The following GPA33 variants were observed in gnomAD, a reference collection of about 807,000 sequenced individuals.
The protein encoded by GPA33 is cell surface A33 antigen.
In GPA33, 27 loss-of-function variants were observed where a neutral mutation model predicts 35.6. The observed-to-expected ratio is 0.76, with a 90% CI of 0.56 to 1.04. The LOEUF is 1.04. Ranked by LOEUF, GPA33 falls within the 50% of genes least tolerant of loss-of-function variation. The probability of loss-of-function intolerance (pLI) is 0.00; values close to 1 mark genes in which losing one functional copy is unlikely to be tolerated. For synonymous variants in GPA33, 176 were observed against 164.0 expected (o/e 1.07, Z -0.56); for missense variants, 428 against 411.9 (o/e 1.04, Z -0.34).
intron 3 of GPA33, among the ~76,000 whole-genome samples, chr1:167,066,695 A>C (rs1326646121): frequency 6.6e-6 from 1 of 152,234 alleles, no homozygotes; most frequent in Non-Finnish European, 1.5e-5. Context: ...CAGAATGCAG[A>C]TGTTACCTGA....
intron 4 of GPA33, among the ~76,000 whole-genome samples, chr1:167,060,811 C>T (rs988563636): frequency 1.3e-5 from 2 of 152,176 alleles, no homozygotes; most frequent in Non-Finnish European, 2.9e-5. Flanking sequence ...TTCATGATTT[C>T]TCATCACTGT....
chr1:167,055,792 A>C lies in GPA33; in HGVS notation c.629T>G (p.Ile210Ser). The change falls in exon 5 of 7, where the codon ATC (isoleucine) becomes AGC (serine). Residue 210 changes from isoleucine to serine, a missense_variant. Physicochemically the swap from Ile to Ser is moderately radical, Grantham distance 142. Transcript: ENST00000367868. ...NISTDTSGYY[I>S]CTSSNEEGTQ... ...CCCCTCCTCATTGCTGGAGGTACAG[A>C]TGTAGTAACCCGATGTGTCTGTGGA... 6.2e-7 allele frequency: 1 copy of C among 1,613,810 alleles called. No homozygotes were observed. Among genetic ancestry groups the C allele is most frequent in the Non-Finnish European group, 8.5e-7 (1 of 1,179,852 alleles).
intron 2 of GPA33, among the ~76,000 whole-genome samples, chr1:167,069,668 G>A (rs1315392266): frequency 6.6e-6 from 1 of 152,212 alleles, no homozygotes; most frequent in Non-Finnish European, 1.5e-5. Flanking sequence ...AGACTTTCAA[G>A]CCAGACTGCT....
intron 2 of GPA33, among the ~76,000 whole-genome samples, chr1:167,069,500 A>G (rs1425681477): frequency 6.6e-6 from 1 of 152,170 alleles, no homozygotes; most frequent in Non-Finnish European, 1.5e-5. Flanking sequence ...TCAGTCTATC[A>G]GTATTTACTG....
At chr1:167,056,482 G>A (rs1666255330) in intron 4 of GPA33, among the ~76,000 whole-genome samples, 1 of 149,136 alleles carries the variant, frequency 6.7e-6, no homozygotes, top group Non-Finnish European at 1.5e-5. Flanking sequence ...TGTGTGGTGT[G>A]TCAGTGTGTG....
chr1:167,080,874 A>G (rs922086303), intron 1 of GPA33, among the ~76,000 whole-genome samples: 1 of 152,254 alleles, frequency 6.6e-6, no homozygotes, highest in Non-Finnish European at 1.5e-5. Context: ...TGAATGAATT[A>G]TAGAGAACTT....
chr1:167,073,435 A>C lies in GPA33; in HGVS notation c.148T>G (p.Ser50Ala). 6.2e-7 allele frequency: 1 copy of C among 1,613,440 alleles called. No homozygotes were observed. Among genetic ancestry groups the C allele is most frequent in the Non-Finnish European group, 8.5e-7 (1 of 1,179,616 alleles). The stretch of plus-strand genomic sequence containing the variant: ...CATTGAATAAGTCCCTCTCGACTGG[A>C]GGTGGAAGTGTGGTAGGTGCAGGGC... Reference protein sequence around the residue: ...TLPCTYHTSTSSREGLIQWDK... With the variant: ...TLPCTYHTSTASREGLIQWDK... The change falls in exon 2 of 7, where the codon TCC becomes GCC. Residue 50 changes from serine to alanine, a missense_variant. Transcript: ENST00000367868.
At chr1:167,090,217 G>C (rs371532773) in intron 1 of GPA33, 28 bp downstream of exon 1, 122 of 1,570,492 alleles carry the variant, frequency 7.8e-5, no homozygotes, top group Admixed American at 4.7e-4. Context: ...CCACCCCTGG[G>C]CACTGGAGAG....
At chr1:167,072,276 A>G (rs1666736339) in intron 2 of GPA33, among the ~76,000 whole-genome samples, 1 of 152,238 alleles carries the variant, frequency 6.6e-6, no homozygotes. Flanking sequence ...GCATTTTAAA[A>G]GAAGACCTCA....
chr1:167,075,594 T>A (rs527464253), intron 1 of GPA33, among the ~76,000 whole-genome samples: 14 of 152,286 alleles, frequency 9.2e-5, no homozygotes, highest in Middle Eastern at 3.4e-3. Flanking sequence ...AGATGCTCCT[T>A]AGACACCCTG....
chr1:167,058,941 T>C (rs1666370868), intron 4 of GPA33, among the ~76,000 whole-genome samples: 4 of 152,194 alleles, frequency 2.6e-5, no homozygotes, highest in African/African-American at 9.7e-5. Flanking sequence ...TAGGAAATGC[T>C]CTATGGCCCT....
chr1:167,073,919 A>C (rs1011866575), intron 1 of GPA33, among the ~76,000 whole-genome samples: 1 of 151,962 alleles, frequency 6.6e-6, no homozygotes, highest in Admixed American at 6.6e-5. Context: ...AAGTATTTTT[A>C]TTACTCCCTG....
At position 167,054,264 on chromosome 1, in the gene GPA33, G is replaced by A; in HGVS notation, c.*70C>T. The A allele has an allele frequency of 6.3e-7, 1 of 1,580,722 alleles. No individual in the cohort carries two copies. Among genetic ancestry groups the A allele is most frequent in the Non-Finnish European group, 8.6e-7 (1 of 1,157,428 alleles). On this transcript the variant is annotated 3_prime_UTR_variant, in exon 7 of 7. Transcript: ENST00000367868. ...GGACAGGAGAACAGGGCTTAGAAAG[G>A]AGAAGGGAGGCCAGGAAGCGGGAGA... is the stretch of plus-strand genomic sequence containing the variant.
rs1667124916 is a variant in GPA33, at chr1:167,090,113, C to A, written c.43+132G>T. The A allele has an allele frequency of 1.7e-5, 12 of 695,716 alleles. No homozygotes were observed. The South Asian group carries it at 2.0e-4, about 12-fold the overall frequency. 43.1% of individuals were successfully genotyped at this position (695,716 alleles called of 1,614,324 possible). A position where few individuals can be genotyped will look rare whatever the true frequency, so the allele number is the denominator to read the frequency against. The stretch of plus-strand genomic sequence containing the variant: ...GGGCACTGGTCCGGAATGTGTAATT[C>A]TGGCCCAGCAGGAACGCAGCTGTGT... On this transcript the variant is annotated intron_variant, in intron 1 of 6. Coordinates refer to ENST00000367868, the MANE Select transcript of GPA33 (RefSeq NM_005814.3).
chr1:167,062,646 C>CTTTTTTTT (rs768326263), intron 4 of GPA33, among the ~76,000 whole-genome samples: 2,259 of 79,750 alleles, frequency 0.028, 202 homozygotes, highest in Admixed American at 0.077. Context: ...ATAGCTCTTT[C>CTTTTTTTT]TTTTTTTTTT....
chr1:167,053,390 A>T lies in GPA33; in HGVS notation c.*944T>A, dbSNP rs1485577497. ...CTGTGTCTACGATCATCTCAAGGAGACCAGAGAAGGGAAGGCACAACCAAT... is the reference window on the plus strand; with the variant it reads ...CTGTGTCTACGATCATCTCAAGGAGTCCAGAGAAGGGAAGGCACAACCAAT... On this transcript the variant is annotated 3_prime_UTR_variant, in exon 7 of 7. Transcript: ENST00000367868. The T allele has an allele frequency of 6.6e-6, 1 of 152,230 alleles. No individual in the cohort carries two copies. Among genetic ancestry groups the T allele is most frequent in the East Asian group, 1.9e-4 (1 of 5,200 alleles). 9.4% of individuals were successfully genotyped at this position (152,230 alleles called of 1,614,324 possible). A position where few individuals can be genotyped will look rare whatever the true frequency, so the allele number is the denominator to read the frequency against.
In GPA33 at chr1:167,054,318, C is replaced by T. The variant is rs565884581; in HGVS notation, c.*16G>A. The T allele has an allele frequency of 2.5e-6, 4 of 1,613,936 alleles. No homozygotes were observed. The highest frequency in any genetic ancestry group is 1.1e-5 in the South Asian group (1 of 91,076). ...AACCCCTAACCCTTCCTCCGCCGCC[C>T]TCTGCTGCTGGCCTGTCACTGGTCG... On this transcript the variant is annotated 3_prime_UTR_variant, in exon 7 of 7. Transcript: ENST00000367868.
chr1:167,057,671 T>C (rs1196411353), intron 4 of GPA33, among the ~76,000 whole-genome samples: 1 of 152,164 alleles, frequency 6.6e-6, no homozygotes, highest in Non-Finnish European at 1.5e-5. Flanking sequence ...TCCTGCAAGA[T>C]TGCATCTCAA....
intron 1 of GPA33, among the ~76,000 whole-genome samples, chr1:167,074,926 T>TGA (rs1228464589): frequency 6.8e-6 from 1 of 146,592 alleles, no homozygotes; most frequent in Non-Finnish European, 1.5e-5. Context: ...TTTTTTTTTT[T>TGA]GAGAGAGAGT....
Sources: gnomAD v4.1 joint callset for allele counts (sites outside exome capture counted in the v4.1 genomes callset) on GRCh38, gnomAD v4.1.1 for gene constraint, MANE v1.5 for transcripts, NCBI Gene and HGNC (gene_info 2026-07-23, HGNC 2026-07-21) for gene names.